SLC45A3: variants seen among roughly 807,000 people sequenced by gnomAD.
SLC45A3 encodes the protein solute carrier family 45 member 3.
Under a neutral mutation model 35.3 loss-of-function variants are expected in SLC45A3, and 17 were observed. That is an observed-to-expected ratio of 0.48 (90% CI 0.33 to 0.72). The LOEUF is 0.72. Among genes scored for constraint, SLC45A3 ranks in the 30% least tolerant of loss-of-function variants. The pLI, the probability that SLC45A3 is intolerant of heterozygous loss-of-function variation, is 0.02. For synonymous variants in SLC45A3, 288 were observed against 334.3 expected (o/e 0.86, Z 1.51); for missense variants, 597 against 731.7 (o/e 0.82, Z 2.12).
Position 205,662,991 on chromosome 1 carries a change from A to G in SLC45A3, c.800T>C (p.Met267Thr), listed in dbSNP as rs1186441468. Reference protein sequence around the residue: ...LPRLHQLCCRMPRTLRRLFVA... With the variant: ...LPRLHQLCCRTPRTLRRLFVA... ...GAAGAGCCGGCGCAGGGTGCGGGGC[A>G]TGCGGCAGCACAGCTGGTGCAGCCG... Residue 267 changes from methionine to threonine, a missense_variant, in exon 3 of 5, where the codon ATG (methionine) becomes ACG (threonine). Transcript: ENST00000367145. This position sits in a 1 kb window ranked among gnomAD's most constrained non-coding sequence, Gnocchi z 6.2. 1.2e-6 allele frequency: 2 copies of G among 1,612,922 alleles called. No individual in the cohort carries two copies. Among genetic ancestry groups the G allele is most frequent in the Admixed American group, 1.7e-5 (1 of 59,986 alleles).
rs1310551453 is a variant in SLC45A3 at position 205,662,793 on chromosome 1, C to T, written c.958+40G>A. ...AGCCCCGAGTGTCGTCTCTGGTGGG[C>T]GGCTCCCACACCAGCCTCTGCTGGC... On this transcript the variant is annotated intron_variant, in intron 3 of 4. Coordinates refer to ENST00000367145, the MANE Select transcript of SLC45A3 (RefSeq NM_033102.3). The surrounding 1 kb of genome is among the most constrained non-coding windows in gnomAD (Gnocchi z 6.2). 3.3e-6 allele frequency: 5 copies of T among 1,532,494 alleles called. No homozygotes were observed. The highest frequency in any genetic ancestry group is 1.3e-5 in the South Asian group (1 of 78,494). The allele number at this position is 1,532,494 out of a possible 1,614,324, so 94.9% of individuals were successfully genotyped here. A position where few individuals can be genotyped will look rare whatever the true frequency, so the allele number is the denominator to read the frequency against.
At chr1:205,675,237 A>G (rs1671292010) in intron 1 of SLC45A3, among the ~76,000 whole-genome samples, 1 of 152,238 alleles carries the variant, frequency 6.6e-6, no homozygotes, top group African/African-American at 2.4e-5. Flanking sequence ...CAAACAAGGC[A>G]GGTCAGATCA....
At chr1:205,675,951 C>T (rs1003618792) in intron 1 of SLC45A3, among the ~76,000 whole-genome samples, 2 of 152,192 alleles carry the variant, frequency 1.3e-5, no homozygotes, top group Admixed American at 1.3e-4. Context: ...CTGCCATCCT[C>T]CCCACTAGTG....
chr1:205,663,324 T>G lies in SLC45A3; in HGVS notation c.467A>C (p.His156Pro). ...ATAGACAGAGTAGGCCTGGCGACAG[T>G]GGTCCGGGTCCCGGAAGAGGTCAGA... ...LLSDLFRDPD[H>P]CRQAYSVYAF... Residue 156 changes from histidine (H) to proline (P), a missense_variant, in exon 3 of 5, where the codon CAC becomes CCC. By Grantham distance (77) the His-to-Pro change is moderately conservative. This residue lies in a region of SLC45A3 where 555 missense variants were observed against 664.9 expected (regional missense o/e 0.83). Transcript: ENST00000367145. 6.2e-7 allele frequency: 1 copy of G among 1,613,242 alleles called. No homozygotes were observed. The highest frequency in any genetic ancestry group is 8.5e-7 in the Non-Finnish European group (1 of 1,179,990).
Position 205,659,520 on chromosome 1 carries a change from G to A in SLC45A3, c.1376C>T (p.Ala459Val), listed in dbSNP as rs140263007. ...ATCACAGGCAGAGGCCCCGCAGAGC[G>A]CGGGTGGAGGTGGGAGCAGGCCACT... ...GGSGLLPPPP[A>V]LCGASACDVS... Residue 459 changes from alanine (A) to valine (V), a missense_variant, in exon 5 of 5, where the codon GCG becomes GTG. Physicochemically the swap from Ala to Val is moderately conservative, Grantham distance 64 (BLOSUM62 0). Coordinates refer to ENST00000367145, the MANE Select transcript of SLC45A3 (RefSeq NM_033102.3). This position sits in a 1 kb window ranked among gnomAD's most constrained non-coding sequence, Gnocchi z 5.8. The A allele has an allele frequency of 1.0e-4, 165 of 1,611,150 alleles. No homozygotes were observed. The highest frequency in any genetic ancestry group is 1.2e-4 in the Non-Finnish European group (142 of 1,178,204).
At position 205,662,109 on chromosome 1, in the gene SLC45A3, G is replaced by T; in HGVS notation, c.976C>A (p.Leu326Met). 1 of 1,613,366 alleles carries T rather than the reference G, an allele frequency of 6.2e-7. No individual in the cohort carries two copies. The highest frequency in any genetic ancestry group is 8.5e-7 in the Non-Finnish European group (1 of 1,179,514). Residue 326 changes from leucine (L) to methionine (M), a missense_variant, in exon 4 of 5, where the codon CTG becomes ATG. Coordinates refer to ENST00000367145, the MANE Select transcript of SLC45A3 (RefSeq NM_033102.3). This position sits in a 1 kb window ranked among gnomAD's most constrained non-coding sequence, Gnocchi z 6.2. ...ATGGCGCACTGCAGGAACAGCCCCAGGCTGCCCATCCGAACGCCTGCAGAG... is the reference window on the plus strand; with the variant it reads ...ATGGCGCACTGCAGGAACAGCCCCATGCTGCCCATCCGAACGCCTGCAGAG... ...HYDEGVRMGS[L>M]GLFLQCAISL...
rs1331640524 is a variant in SLC45A3 at position 205,678,446 on chromosome 1, C to A, written c.-231+1948G>T. 1.3e-5 allele frequency among the ~76,000 whole-genome samples: 2 copies of A among 152,114 alleles called. 1 individual carries two copies. Among genetic ancestry groups the A allele is most frequent in the Admixed American group, 1.3e-4 (2 of 15,172 alleles). ...TTTGAATCTTCAGACCAGCCCTGCC[C>A]AGGCTGAGAGCTCCAGTCTGGGTAA... On this transcript the variant is annotated intron_variant, in intron 1 of 4. Coordinates refer to ENST00000367145, the MANE Select transcript of SLC45A3 (RefSeq NM_033102.3).
Position 205,659,166 on chromosome 1 carries a change from G to A in SLC45A3, c.*68C>T. The A allele has an allele frequency of 5.3e-6, 8 of 1,511,220 alleles. No individual in the cohort carries two copies. Among genetic ancestry groups the A allele is most frequent in the Non-Finnish European group, 1.8e-6 (2 of 1,116,016 alleles). 93.6% of individuals were successfully genotyped at this position (1,511,220 alleles called of 1,614,324 possible). The stretch of plus-strand genomic sequence containing the variant: ...TGGCGGCCAGCCCGGCAGCCCCATG[G>A]GGCTAACAGGAGCGGGGAGCTGGGA... On this transcript the variant is annotated 3_prime_UTR_variant, in exon 5 of 5. Transcript: ENST00000367145. This position sits in a 1 kb window ranked among gnomAD's most constrained non-coding sequence, Gnocchi z 5.8.
chr1:205,677,181 G>A (rs1366788355), intron 1 of SLC45A3, among the ~76,000 whole-genome samples: 2 of 152,186 alleles, frequency 1.3e-5, no homozygotes, highest in Non-Finnish European at 2.9e-5. Flanking sequence ...AGGTAGGCTG[G>A]GCAGGGGTTT....
intron 1 of SLC45A3, among the ~76,000 whole-genome samples, chr1:205,668,827 G>A (rs1396297105): frequency 6.6e-6 from 1 of 152,128 alleles, no homozygotes. Flanking sequence ...AAAGCTGGAG[G>A]AAACCTAAGG....
Position 205,663,028 on chromosome 1 carries a change from C to T in SLC45A3, c.763G>A (p.Ala255Thr), listed in dbSNP as rs777513989. The T allele has an allele frequency of 9.3e-6, 15 of 1,609,784 alleles. No homozygotes were observed. The East Asian group carries it at 2.0e-4, about 22-fold the overall frequency. The change falls in exon 3 of 5, where the codon GCC (alanine) becomes ACC (threonine). Residue 255 changes from alanine (A) to threonine (T), a missense_variant. Ala to Thr is a moderately conservative substitution (Grantham distance 58, BLOSUM62 0). Transcript: ENST00000367145. ...RARLAFRNLG[A>T]LLPRLHQLCC... Reference sequence around the variant, plus strand: ...AGCTGGTGCAGCCGGGGAAGCAGGGCGCCCAGGTTCCGGAAAGCCAAGCGG... The same window carrying T: ...AGCTGGTGCAGCCGGGGAAGCAGGGTGCCCAGGTTCCGGAAAGCCAAGCGG...
At position 205,664,364 on chromosome 1, in the gene SLC45A3, G is replaced by A. The variant is rs1022843482; in HGVS notation, c.172+121C>T. On this transcript the variant is annotated intron_variant, in intron 2 of 4. Coordinates refer to ENST00000367145, the MANE Select transcript of SLC45A3 (RefSeq NM_033102.3). This position sits in a 1 kb window ranked among gnomAD's most constrained non-coding sequence, Gnocchi z 5.3. ...CAGCCCAGGGTCACCCTCCTGCCCA[G>A]CAATGCCTTCCCAGCAGACCACCTC... 3.7e-6 allele frequency: 5 copies of A among 1,345,838 alleles called. No homozygotes were observed. The highest frequency in any genetic ancestry group is 5.2e-6 in the Non-Finnish European group (5 of 968,028). 83.4% of individuals were successfully genotyped at this position (1,345,838 alleles called of 1,614,324 possible).
chr1:205,674,502 G>A (rs1222397819), intron 1 of SLC45A3, among the ~76,000 whole-genome samples: 4 of 148,964 alleles, frequency 2.7e-5, no homozygotes, highest in African/African-American at 5.0e-5. Flanking sequence ...CAGGTGAATC[G>A]CTTGAACCTG....
rs146883132 is a variant in SLC45A3, at chr1:205,662,395, G to A, written c.959-269C>T. 9.1e-5 allele frequency: 125 copies of A among 1,369,528 alleles called. 2 individuals are homozygous for A. The East Asian group carries it at 2.9e-3, about 32-fold the overall frequency. The allele number at this position is 1,369,528 out of a possible 1,614,324, so 84.8% of individuals were successfully genotyped here. On this transcript the variant is annotated intron_variant, in intron 3 of 4. Transcript: ENST00000367145. This position sits in a 1 kb window ranked among gnomAD's most constrained non-coding sequence, Gnocchi z 6.2. ...GGGAGTCTCAGCTGTGAGGACAGGC[G>A]GGTGAGAGGGAACACAAAGACAGCT... is the stretch of plus-strand genomic sequence containing the variant.
rs1571527581 is a variant in SLC45A3, at chr1:205,657,859, T to C, written c.*1375A>G. The stretch of plus-strand genomic sequence containing the variant: ...AAAGAAACACATGCCAATAAACATA[T>C]AAGAAAGCCTTTAATTTTGTCACCA... On this transcript the variant is annotated 3_prime_UTR_variant, in exon 5 of 5. Coordinates refer to ENST00000367145, the MANE Select transcript of SLC45A3 (RefSeq NM_033102.3). The C allele has an allele frequency of 5.2e-6, 1 of 193,564 alleles. No homozygotes were observed. 12.0% of individuals were successfully genotyped at this position (193,564 alleles called of 1,614,324 possible). A position where few individuals can be genotyped will look rare whatever the true frequency, so the allele number is the denominator to read the frequency against.
chr1:205,662,789 T>G lies in SLC45A3; in HGVS notation c.958+44A>C. The G allele has an allele frequency of 6.5e-7, 1 of 1,529,118 alleles. No homozygotes were observed. The highest frequency in any genetic ancestry group is 1.3e-5 in the South Asian group (1 of 77,866). 94.7% of individuals were successfully genotyped at this position (1,529,118 alleles called of 1,614,324 possible). Reference sequence around the variant, plus strand: ...ACACAGCCCCGAGTGTCGTCTCTGGTGGGCGGCTCCCACACCAGCCTCTGC... The same window carrying G: ...ACACAGCCCCGAGTGTCGTCTCTGGGGGGCGGCTCCCACACCAGCCTCTGC... On this transcript the variant is annotated intron_variant, in intron 3 of 4. Coordinates refer to ENST00000367145, the MANE Select transcript of SLC45A3 (RefSeq NM_033102.3). The surrounding 1 kb of genome is among the most constrained non-coding windows in gnomAD (Gnocchi z 6.2).
At position 205,662,480 on chromosome 1, in the gene SLC45A3, T is replaced by C. The variant is rs928971471; in HGVS notation, c.958+353A>G. 5.2e-5 allele frequency: 66 copies of C among 1,281,210 alleles called. 1 individual carries two copies. The highest frequency in any genetic ancestry group is 5.7e-5 in the Non-Finnish European group (58 of 1,014,532). The allele number at this position is 1,281,210 out of a possible 1,614,324, so 79.4% of individuals were successfully genotyped here. A position where few individuals can be genotyped will look rare whatever the true frequency, so the allele number is the denominator to read the frequency against. ...AGCTGGAAGGCGCTGGTGAGATTAT[T>C]TGGAAAGTCGTTGGGGGAGCAGAGG... is the stretch of plus-strand genomic sequence containing the variant. On this transcript the variant is annotated intron_variant, in intron 3 of 4. Coordinates refer to ENST00000367145, the MANE Select transcript of SLC45A3 (RefSeq NM_033102.3). This position sits in a 1 kb window ranked among gnomAD's most constrained non-coding sequence, Gnocchi z 6.2.
intron 1 of SLC45A3, 142 bp downstream of exon 1, chr1:205,680,252 G>A (rs1671383504): frequency 6.6e-6 from 1 of 151,968 alleles, no homozygotes. Flanking sequence ...GGGGCTCGGC[G>A]CGCAGCGCCC....
intron 1 of SLC45A3, among the ~76,000 whole-genome samples, chr1:205,670,783 A>C (rs1671199341): frequency 6.6e-6 from 1 of 151,646 alleles, no homozygotes; most frequent in African/African-American, 2.4e-5. Flanking sequence ...GCCCCTTCCC[A>C]CTCAATTCCC....
Sources: allele counts gnomAD v4.1 joint callset (sites outside exome capture counted in the v4.1 genomes callset), GRCh38; gene constraint gnomAD v4.1.1; regional missense constraint gnomAD v4.1.1; non-coding constraint Gnocchi (gnomAD v3.1); transcripts MANE v1.5; gene names NCBI Gene and HGNC (gene_info 2026-07-23, HGNC 2026-07-21).